The following PCDHA10 variants were observed in gnomAD, a reference collection of about 807,000 sequenced individuals.
The protein encoded by PCDHA10 is protocadherin alpha 10.
A neutral mutation model predicts 61.2 loss-of-function variants in PCDHA10; 45 were observed. That is an observed-to-expected ratio of 0.74 (90% confidence interval 0.58 to 0.94). PCDHA10 has a LOEUF of 0.94. PCDHA10 is among the 40% of genes least tolerant of loss of function. The pLI is 0.00. For missense variants in PCDHA10, 1,278 were observed against 1,236.2 expected, an observed-to-expected ratio of 1.03 and a Z score of -0.51; for synonymous variants, 602 against 548.8, an observed-to-expected ratio of 1.10 and a Z score of -1.35.
intron 1 of PCDHA10, among the ~76,000 whole-genome samples, chr5:140,946,263 G>T (rs1168857420): frequency 6.6e-6 from 1 of 151,750 alleles, no homozygotes; most frequent in East Asian, 1.9e-4. Flanking sequence ...AGAAAAATGC[G>T]AATTAAAACC....
chr5:141,001,559 G>A (rs1277713814), intron 3 of PCDHA10, among the ~76,000 whole-genome samples: 1 of 152,190 alleles, frequency 6.6e-6, no homozygotes, highest in Non-Finnish European at 1.5e-5. Context: ...TTCAGACCAC[G>A]ATTCTCCTGT....
intron 1 of PCDHA10, among the ~76,000 whole-genome samples, chr5:140,873,125 A>G (rs1252639627): frequency 6.6e-6 from 1 of 152,208 alleles, no homozygotes. Context: ...CAATATTCAA[A>G]GAGTCTATGC....
At chr5:140,999,159 G>A (rs1056236953) in intron 3 of PCDHA10, among the ~76,000 whole-genome samples, 2 of 152,182 alleles carry the variant, frequency 1.3e-5, no homozygotes, top group African/African-American at 2.4e-5. Flanking sequence ...CAGTCCCCTA[G>A]AAGGAAAAGA....
chr5:140,888,754 CT>C (rs782694187), intron 1 of PCDHA10, among the ~76,000 whole-genome samples: 16 of 148,604 alleles, frequency 1.1e-4, no homozygotes, highest in East Asian at 2.0e-4. Flanking sequence ...ATTCTACCCA[CT>C]TTTTTTTTTA....
At chr5:140,866,469 C>CG (rs2049380122) in intron 1 of PCDHA10, 2 of 152,080 alleles carry the variant, frequency 1.3e-5, no homozygotes, top group Non-Finnish European at 2.9e-5. Context: ...AAGCTCATAA[C>CG]AACTGACAAA....
In PCDHA10 at chr5:140,856,002, G is replaced by C; in HGVS notation, c.-47G>C. The stretch of plus-strand genomic sequence containing the variant: ...ACAGAAAATGTCAGATCGTATGTGC[G>C]TTCTAGACCGCTGATTCGTCGATTT... On this transcript the variant is annotated 5_prime_UTR_variant, in exon 1 of 4. Transcript: ENST00000307360. The C allele has an allele frequency of 6.5e-7, 1 of 1,534,758 alleles. No homozygotes were observed. The highest frequency in any genetic ancestry group is 1.2e-5 in the South Asian group (1 of 80,734).
chr5:140,967,969 C>T (rs997628696), intron 1 of PCDHA10: 3 of 1,614,064 alleles, frequency 1.9e-6, no homozygotes, highest in African/African-American at 1.3e-5. Flanking sequence ...GGAAAGTGAG[C>T]CTGGGTCTGG....
chr5:140,918,579 G>A (rs1396239560), intron 1 of PCDHA10, among the ~76,000 whole-genome samples: 1 of 152,112 alleles, frequency 6.6e-6, no homozygotes, highest in Admixed American at 6.5e-5. Flanking sequence ...GCTGCTATTG[G>A]CTATATGTTC....
chr5:140,906,075 C>A (rs2153492820), intron 1 of PCDHA10, among the ~76,000 whole-genome samples: 1 of 152,246 alleles, frequency 6.6e-6, no homozygotes, highest in African/African-American at 2.4e-5. Context: ...TAGATCGCAC[C>A]CACCCAGACT....
chr5:140,961,435 C>T (rs1554225413), intron 1 of PCDHA10, among the ~76,000 whole-genome samples: 1 of 152,174 alleles, frequency 6.6e-6, no homozygotes, highest in Non-Finnish European at 1.5e-5. Flanking sequence ...TACAAAATCA[C>T]CTAACTACAC....
chr5:140,900,630 G>A (rs1355486036), intron 1 of PCDHA10, among the ~76,000 whole-genome samples: 3 of 152,132 alleles, frequency 2.0e-5, no homozygotes, highest in African/African-American at 7.2e-5. Context: ...TCCAAATCTT[G>A]GCTATTGTGA....
At chr5:140,989,656 A>T (rs2153884121) in intron 3 of PCDHA10, among the ~76,000 whole-genome samples, 1 of 152,326 alleles carries the variant, frequency 6.6e-6, no homozygotes, top group Non-Finnish European at 1.5e-5. Context: ...GCAATATTTT[A>T]AAAGAAACTC....
rs547015879 is a variant in PCDHA10 at position 140,902,341 on chromosome 5, G to A, written c.2388+43905G>A. 1.8e-3 allele frequency among the ~76,000 whole-genome samples: 276 copies of A among 151,446 alleles called. 1 individual carries two copies. The highest frequency in any genetic ancestry group is 3.7e-3 in the Non-Finnish European group (250 of 67,812). The stretch of plus-strand genomic sequence containing the variant: ...GTGTAACTCACTTCGCCTGGCCTAG[G>A]AAGCCCTTTATTTCTTTCTCTTGTC... On this transcript the variant is annotated intron_variant, in intron 1 of 3. Transcript: ENST00000307360.
At chr5:140,877,166 T>C in intron 1 of PCDHA10, 3 of 1,613,836 alleles carry the variant, frequency 1.9e-6, no homozygotes, top group Non-Finnish European at 2.5e-6. Context: ...GCGCCGGCAC[T>C]GCTGGCGACT....
intron 1 of PCDHA10, among the ~76,000 whole-genome samples, chr5:140,897,430 C>A (rs1297820601): frequency 6.7e-6 from 1 of 148,618 alleles, no homozygotes; most frequent in East Asian, 2.0e-4. Flanking sequence ...TGAGTGAGAA[C>A]ATGCAGTGTT....
intron 1 of PCDHA10, among the ~76,000 whole-genome samples, chr5:140,961,978 G>T (rs1336878095): frequency 6.6e-6 from 1 of 151,828 alleles, no homozygotes; most frequent in Non-Finnish European, 1.5e-5. Context: ...CCGCCTCCTG[G>T]GTTCACGCCA....
chr5:140,905,947 C>T (rs1210025825), intron 1 of PCDHA10, among the ~76,000 whole-genome samples: 7 of 152,124 alleles, frequency 4.6e-5, no homozygotes, highest in African/African-American at 9.7e-5. Context: ...ACTTGGAATC[C>T]GATGTTCAAG....
chr5:141,009,539 C>G lies in PCDHA10; in HGVS notation c.2537-88C>G, dbSNP rs141154047. 10,440 of 1,522,742 alleles carry G rather than the reference C, an allele frequency of 6.9e-3. 51 individuals are homozygous for G. Among genetic ancestry groups the G allele is most frequent in the Admixed American group, 0.011 (516 of 46,760 alleles). 94.3% of individuals were successfully genotyped at this position (1,522,742 alleles called of 1,614,324 possible). A position where few individuals can be genotyped will look rare whatever the true frequency, so the allele number is the denominator to read the frequency against. ...ATTTTTCTGGGGAGGTTCAGCCTGC[C>G]TATGCAGTACTCCTGTACTCTACCA... On this transcript the variant is annotated intron_variant, in intron 3 of 3. Transcript: ENST00000307360.
chr5:140,916,053 G>T (rs1378949362), intron 1 of PCDHA10, among the ~76,000 whole-genome samples: 1 of 152,104 alleles, frequency 6.6e-6, no homozygotes, highest in African/African-American at 2.4e-5. Flanking sequence ...AGGCAGAGGT[G>T]CCTCTCCCTG....
Sources: gnomAD v4.1 joint callset for allele counts (sites outside exome capture counted in the v4.1 genomes callset) on GRCh38, gnomAD v4.1.1 for gene constraint, MANE v1.5 for transcripts, NCBI Gene and HGNC (gene_info 2026-07-23, HGNC 2026-07-21) for gene names.